The following STARD7 variants were observed in gnomAD, a reference collection of about 807,000 sequenced individuals.
STARD7 encodes the protein stAR-related lipid transfer protein 7, mitochondrial.
In STARD7, 30 loss-of-function variants were observed where a neutral mutation model predicts 45.3. That is an observed-to-expected ratio of 0.66 (90% CI 0.50 to 0.90). The LOEUF is 0.90. STARD7 is among the 40% of genes least tolerant of loss of function. STARD7 has a pLI of 0.00. For missense variants in STARD7, 495 were observed against 491.3 expected (o/e 1.01, Z -0.07); for synonymous variants, 199 against 183.0 (o/e 1.09, Z -0.70).
rs993493117 is a variant in STARD7 at position 96,208,759 on chromosome 2, C to G, written c.-325G>C. On this transcript the variant is annotated 5_prime_UTR_variant, in exon 1 of 8. Coordinates refer to ENST00000337288, the MANE Select transcript of STARD7 (RefSeq NM_020151.4). ...GCCCGGGGCCGGGATGCAGGGCGCG[C>G]GGACAGAAACGAGACAGACAGCTCA... is the stretch of plus-strand genomic sequence containing the variant. The G allele has an allele frequency of 1.5e-5, 6 of 409,190 alleles. No individual in the cohort carries two copies. 25.3% of individuals were successfully genotyped at this position (409,190 alleles called of 1,614,324 possible).
intron 1 of STARD7, among the ~76,000 whole-genome samples, chr2:96,203,477 A>G (rs1683337328): frequency 6.6e-6 from 1 of 152,240 alleles, no homozygotes; most frequent in Non-Finnish European, 1.5e-5. Flanking sequence ...GTGAAACAAC[A>G]TTTGGTTCAT....
chr2:96,188,264 GA>G (rs1438406469), intron 6 of STARD7: 1 of 85,922 alleles, frequency 1.2e-5, no homozygotes, highest in African/African-American at 4.6e-5. Context: ...GACAGACCAA[GA>G]CTTTTTTTTT....
At chr2:96,204,720 C>A in intron 1 of STARD7, among the ~76,000 whole-genome samples, 1 of 146,570 alleles carries the variant, frequency 6.8e-6, no homozygotes, top group Admixed American at 7.1e-5. Flanking sequence ...TAAGGGTTTA[C>A]CAGTAAGATA....
chr2:96,203,984 A>G (rs1683347697), intron 1 of STARD7, among the ~76,000 whole-genome samples: 1 of 149,172 alleles, frequency 6.7e-6, no homozygotes, highest in Admixed American at 6.6e-5. Flanking sequence ...AAAGACATAG[A>G]GCCAGGCGCC....
intron 6 of STARD7, among the ~76,000 whole-genome samples, chr2:96,190,726 T>C (rs1330789805): frequency 6.6e-6 from 1 of 152,072 alleles, no homozygotes; most frequent in Non-Finnish European, 1.5e-5. Context: ...AATGCAGCCT[T>C]GACCTCCTGG....
At chr2:96,189,233 G>A (rs1236303899) in intron 6 of STARD7, among the ~76,000 whole-genome samples, 1 of 152,208 alleles carries the variant, frequency 6.6e-6, no homozygotes, top group Admixed American at 6.5e-5. Flanking sequence ...ACAGGCATGA[G>A]CTACCGTGCT....
At chr2:96,192,812 C>T (rs951213705) in intron 5 of STARD7, among the ~76,000 whole-genome samples, 12 of 152,176 alleles carry the variant, frequency 7.9e-5, no homozygotes, top group Admixed American at 6.5e-4. Flanking sequence ...ATTTACGGCT[C>T]ACTAGGCTGT....
chr2:96,196,119 A>G (rs1190245368), intron 1 of STARD7, among the ~76,000 whole-genome samples: 5 of 150,486 alleles, frequency 3.3e-5, no homozygotes, highest in African/African-American at 1.2e-4. Flanking sequence ...GTCTCAAAAA[A>G]AAAAAAAAAA....
At chr2:96,197,940 C>T (rs1377867950) in intron 1 of STARD7, among the ~76,000 whole-genome samples, 1 of 152,112 alleles carries the variant, frequency 6.6e-6, no homozygotes, top group Non-Finnish European at 1.5e-5. Flanking sequence ...GGATAGATCG[C>T]ATTTTGTTTA....
At position 96,191,375 on chromosome 2, in the gene STARD7, G is replaced by T. The variant is rs182479479; in HGVS notation, c.843+994C>A. 9.5e-4 allele frequency among the ~76,000 whole-genome samples: 144 copies of T among 152,206 alleles called. No individual in the cohort carries two copies. The East Asian group carries it at 0.016, about 17-fold the overall frequency. On this transcript the variant is annotated intron_variant, in intron 6 of 7. Coordinates refer to ENST00000337288, the MANE Select transcript of STARD7 (RefSeq NM_020151.4). ...GGGTTCATTATACTCTTCTACTTCT[G>T]TATCTTTTGTATCTATTTCAAATTT...
At position 96,208,600 on chromosome 2, in the gene STARD7, AAG is replaced by A. The variant is rs1386333017; in HGVS notation, c.-168_-167del. 2.0e-5 allele frequency: 11 copies of A among 553,244 alleles called. No homozygotes were observed. Among genetic ancestry groups the A allele is most frequent in the East Asian group, 3.5e-5 (1 of 28,722 alleles). 34.3% of individuals were successfully genotyped at this position (553,244 alleles called of 1,614,324 possible). ...TCTGTCTCTGCAGCCACCGCTGAGG[AAG>A]AGTCTCCTCTGAGGGGAGAGTCGGT... On this transcript the variant is annotated 5_prime_UTR_variant, in exon 1 of 8. The change creates a premature stop within an existing upstream ORF in the 5' untranslated region. Transcript: ENST00000337288.
chr2:96,193,089 C>T lies in STARD7; in HGVS notation c.732G>A (p.Val244=). Residue 244 remains valine (V), a synonymous_variant, in exon 5 of 8, where the codon GTG becomes GTA. Transcript: ENST00000337288. ...GCAGCCATACATACCGCGACACCAA[C>T]ACCATCATGTTGTTTTCCTGATCCA... is the stretch of plus-strand genomic sequence containing the variant. ...YSVDQENNMM[V]LVSRAVEHPS... 6.2e-7 allele frequency: 1 copy of T among 1,613,210 alleles called. No homozygotes were observed. The highest frequency in any genetic ancestry group is 8.5e-7 in the Non-Finnish European group (1 of 1,179,324).
chr2:96,186,954 CCAACAGTAGGCT>C (rs1558732579), intron 7 of STARD7, 40 bp from the exon 8 acceptor site: 6 of 1,560,152 alleles, frequency 3.8e-6, no homozygotes, highest in Non-Finnish European at 5.2e-6. Flanking sequence ...GACATACAAA[CCAACAGTAGGCT>C]CAAAATGAGA....
rs1209401279 is a variant in STARD7, at chr2:96,193,068, C to A, written c.743+10G>T. ...GGAACTCGGCAACAGCCACAGGCAG[C>A]CATACATACCGCGACACCAACACCA... On this transcript the variant is annotated intron_variant, in intron 5 of 7. Coordinates refer to ENST00000337288, the MANE Select transcript of STARD7 (RefSeq NM_020151.4). The A allele has an allele frequency of 6.2e-7, 1 of 1,606,064 alleles. No individual in the cohort carries two copies. The highest frequency in any genetic ancestry group is 1.7e-5 in the Admixed American group (1 of 59,838).
chr2:96,205,778 A>C (rs1171785922), intron 1 of STARD7, among the ~76,000 whole-genome samples: 1 of 152,250 alleles, frequency 6.6e-6, no homozygotes, highest in East Asian at 1.9e-4. Context: ...ACCACTGTGC[A>C]ACCAAGATGT....
At chr2:96,208,083 G>T in intron 1 of STARD7, 62 bp downstream of exon 1, 1 of 1,447,752 alleles carries the variant, frequency 6.9e-7, no homozygotes, top group Non-Finnish European at 9.2e-7. Context: ...CCACAGGGCA[G>T]GCCCCAGGGT....
At chr2:96,189,647 A>T (rs1683094339) in intron 6 of STARD7, among the ~76,000 whole-genome samples, 1 of 150,930 alleles carries the variant, frequency 6.6e-6, no homozygotes, top group African/African-American at 2.4e-5. Flanking sequence ...GGAGGTTGCA[A>T]GTGAGCCAAG....
chr2:96,195,760 T>G, intron 1 of STARD7, among the ~76,000 whole-genome samples: 1 of 152,124 alleles, frequency 6.6e-6, no homozygotes, highest in Non-Finnish European at 1.5e-5. Flanking sequence ...AGTTCCTATT[T>G]CTAAATCTAT....
At chr2:96,197,416 A>AAAAAT (rs557161451) in intron 1 of STARD7, among the ~76,000 whole-genome samples, 4 of 152,194 alleles carry the variant, frequency 2.6e-5, no homozygotes, top group Non-Finnish European at 5.9e-5. Flanking sequence ...AAAATAAATA[A>AAAAAT]AAAATAAAAT....
Sources: gnomAD v4.1 joint callset for allele counts (sites outside exome capture counted in the v4.1 genomes callset) on GRCh38, gnomAD v4.1.1 for gene constraint, MANE v1.5 for transcripts, NCBI Gene and HGNC (gene_info 2026-07-23, HGNC 2026-07-21) for gene names.